Variants in FBXW4 observed in about 807,000 individuals in gnomAD.
FBXW4 encodes F-box and WD repeat domain containing 4, also known as F-box/WD repeat-containing protein 4.
In FBXW4, 40 loss-of-function variants were observed where a neutral mutation model predicts 61.8. That is an observed-to-expected ratio of 0.65 (90% confidence interval 0.50 to 0.84). The LOEUF (loss-of-function observed/expected upper bound fraction) is 0.84, where lower values mean the gene tolerates loss of function less well. FBXW4 is among the 40% of genes least tolerant of loss of function. FBXW4 has a pLI of 0.00. For synonymous variants in FBXW4, 311 were observed against 313.8 expected, an observed-to-expected ratio of 0.99 and a Z score of 0.10; for missense variants, 672 against 753.8, an observed-to-expected ratio of 0.89 and a Z score of 1.27.
At chr10:101,668,034 G>A in intron 4 of FBXW4, 54 bp from the exon 5 acceptor site, 7 of 1,379,534 alleles carry the variant, frequency 5.1e-6, no homozygotes, top group Non-Finnish European at 6.2e-6. Context: ...TCAGTGGGGA[G>A]GAGAGGTGCT....
At chr10:101,618,820 G>C (rs1311395106) in intron 6 of FBXW4, among the ~76,000 whole-genome samples, 1 of 152,158 alleles carries the variant, frequency 6.6e-6, no homozygotes, top group Non-Finnish European at 1.5e-5. Context: ...CCTGCCCACA[G>C]GCTATCAGGG....
chr10:101,624,151 G>A (rs2063889308), intron 6 of FBXW4, among the ~76,000 whole-genome samples: 1 of 151,798 alleles, frequency 6.6e-6, no homozygotes, highest in African/African-American at 2.4e-5. Context: ...TCCATGGATG[G>A]TACCAGGGTC....
chr10:101,694,319 G>T lies in FBXW4; in HGVS notation c.725+62C>A. The T allele has an allele frequency of 7.5e-7, 1 of 1,327,682 alleles. No homozygotes were observed. Among genetic ancestry groups the T allele is most frequent in the Non-Finnish European group, 9.6e-7 (1 of 1,041,996 alleles). The allele number at this position is 1,327,682 out of a possible 1,614,324, so 82.2% of individuals were successfully genotyped here. On this transcript the variant is annotated intron_variant, in intron 1 of 8. Transcript: ENST00000331272. The surrounding 1 kb of genome is among the most constrained non-coding windows in gnomAD (Gnocchi z 6.0). ...TGGGCCGACCAGGCCGCGGCGCCCC[G>T]CCCTTTCCCGGGACGCGGGGCCGGC... is the stretch of plus-strand genomic sequence containing the variant.
Position 101,673,022 on chromosome 10 carries a change from T to G in FBXW4, c.1033A>C (p.Ile345Leu). The G allele has an allele frequency of 6.2e-7, 1 of 1,613,956 alleles. No homozygotes were observed. Among genetic ancestry groups the G allele is most frequent in the Non-Finnish European group, 8.5e-7 (1 of 1,180,002 alleles). ...GGDGKIGIHK[I>L]HSTFTVKYSA... is the part of the protein sequence containing the mutation. ...TACTTGACAGTGAAGGTGCTGTGAA[T>G]CTTATGAATGCCAATCTTCCCATCC... The change falls in exon 4 of 9, where the codon ATT becomes CTT. Residue 345 changes from isoleucine (I) to leucine (L), a missense_variant. Transcript: ENST00000331272.
chr10:101,668,437 G>C (rs1452713284), intron 4 of FBXW4, among the ~76,000 whole-genome samples: 1 of 152,180 alleles, frequency 6.6e-6, no homozygotes, highest in Admixed American at 6.5e-5. Context: ...GAATTAGGGA[G>C]AGAAGTAAAA....
intron 5 of FBXW4, among the ~76,000 whole-genome samples, chr10:101,652,258 A>G (rs2064151541): frequency 1.3e-5 from 2 of 152,178 alleles, no homozygotes; most frequent in African/African-American, 4.8e-5. Context: ...TAGCTGCCCA[A>G]GCAAGCCCTG....
At chr10:101,621,274 C>A (rs959111175) in intron 6 of FBXW4, among the ~76,000 whole-genome samples, 1 of 152,232 alleles carries the variant, frequency 6.6e-6, no homozygotes, top group Non-Finnish European at 1.5e-5. Flanking sequence ...CACCTATAAT[C>A]CCACAACTTT....
At chr10:101,617,358 C>T (rs1399596469) in intron 6 of FBXW4, among the ~76,000 whole-genome samples, 5 of 152,146 alleles carry the variant, frequency 3.3e-5, no homozygotes, top group Admixed American at 3.3e-4. Context: ...CAAGAGTTAC[C>T]CAGGGTCACC....
At chr10:101,682,287 T>C (rs1163485578) in intron 1 of FBXW4, among the ~76,000 whole-genome samples, 1 of 152,226 alleles carries the variant, frequency 6.6e-6, no homozygotes. Context: ...TAAAATCTTT[T>C]ACTGAATTAT....
intron 6 of FBXW4, among the ~76,000 whole-genome samples, chr10:101,616,056 C>T (rs1221340441): frequency 1.3e-5 from 2 of 152,172 alleles, no homozygotes; most frequent in Admixed American, 6.5e-5. Context: ...ACCCTATGCT[C>T]CAGAGACCTA....
intron 2 of FBXW4, among the ~76,000 whole-genome samples, chr10:101,675,077 C>T: frequency 6.6e-6 from 1 of 152,206 alleles, no homozygotes; most frequent in East Asian, 1.9e-4. Context: ...TGGAAAAGTT[C>T]TGCAAATTGA....
At chr10:101,625,685 T>C (rs1182411376) in intron 5 of FBXW4, 3 of 152,180 alleles carry the variant, frequency 2.0e-5, no homozygotes, top group East Asian at 1.9e-4. Flanking sequence ...CAGACAACTC[T>C]TGTTAGAGGA....
At chr10:101,631,674 C>T (rs1490611109) in intron 5 of FBXW4, among the ~76,000 whole-genome samples, 1 of 149,482 alleles carries the variant, frequency 6.7e-6, no homozygotes, top group Non-Finnish European at 1.5e-5. Flanking sequence ...GTCGCCTAGG[C>T]TGGAGTGCAG....
rs1342783497 is a variant in FBXW4 at position 101,616,983 on chromosome 10, G to A, written c.1302-4506C>T. ...GTCTGGTAGCAGCTTTCAGGATGAC[G>A]GGAACAGAGGGAAGTAAGCTGAAGG... On this transcript the variant is annotated intron_variant, in intron 6 of 8. Transcript: ENST00000331272. Among the ~76,000 whole-genome samples, 3 of 152,234 alleles carry A rather than the reference G, an allele frequency of 2.0e-5. No homozygotes were observed. The East Asian group carries it at 5.8e-4, about 29-fold the overall frequency.
At chr10:101,641,970 C>G (rs2064057366) in intron 5 of FBXW4, among the ~76,000 whole-genome samples, 1 of 151,664 alleles carries the variant, frequency 6.6e-6, no homozygotes, top group Non-Finnish European at 1.5e-5. Context: ...AGTTTGAGAC[C>G]AGCCTTATCA....
chr10:101,643,799 A>G (rs1484037158), intron 5 of FBXW4, among the ~76,000 whole-genome samples: 8 of 152,140 alleles, frequency 5.3e-5, no homozygotes, highest in Admixed American at 1.3e-4. Context: ...AAACACTTCT[A>G]TTGAGGAAGG....
At chr10:101,673,191 T>TG in intron 3 of FBXW4, 144 bp from the exon 4 acceptor site, 2 of 1,018,584 alleles carry the variant, frequency 2.0e-6, no homozygotes, top group Non-Finnish European at 2.8e-6. Context: ...GGTGCTGACT[T>TG]TCTAGATACC....
chr10:101,684,015 G>C (rs2064505920), intron 1 of FBXW4, among the ~76,000 whole-genome samples: 1 of 152,140 alleles, frequency 6.6e-6, no homozygotes, highest in South Asian at 2.1e-4. Flanking sequence ...CCAGGCTGGA[G>C]TGCAGTAGCA....
chr10:101,640,484 C>CTCTT (rs2064041670), intron 5 of FBXW4, among the ~76,000 whole-genome samples: 1 of 83,874 alleles, frequency 1.2e-5, no homozygotes, highest in African/African-American at 5.2e-5. Context: ...CTTTCTTTCT[C>CTCTT]TTTTTTTTTT....
Sources: allele counts gnomAD v4.1 joint callset (sites outside exome capture counted in the v4.1 genomes callset), GRCh38; gene constraint gnomAD v4.1.1; non-coding constraint Gnocchi (gnomAD v3.1); transcripts MANE v1.5; gene names NCBI Gene and HGNC (gene_info 2026-07-23, HGNC 2026-07-21).